TOX: variants seen among roughly 807,000 people sequenced by gnomAD.
TOX encodes the protein thymocyte selection-associated high mobility group box protein TOX.
Under a neutral mutation model 53.7 loss-of-function variants are expected in TOX, and 11 were observed. The ratio of observed to expected loss-of-function variants is 0.20; its 90% CI spans 0.13 to 0.34. The LOEUF (loss-of-function observed/expected upper bound fraction) is 0.34, where lower values mean the gene tolerates loss of function less well. Among genes scored for constraint, TOX ranks in the 10% least tolerant of loss-of-function variants. The pLI is 1.00. For synonymous variants in TOX, 225 were observed against 245.3 expected, an observed-to-expected ratio of 0.92 and a Z score of 0.77; for missense variants, 570 against 664.6, an observed-to-expected ratio of 0.86 and a Z score of 1.56.
At chr8:59,106,676 G>A (rs892212308) in intron 1 of TOX, among the ~76,000 whole-genome samples, 6 of 152,094 alleles carry the variant, frequency 3.9e-5, no homozygotes, top group Non-Finnish European at 8.8e-5. Context: ...CACATGATAC[G>A]CAATTAAAAT....
chr8:59,090,873 G>A (rs546172235), intron 1 of TOX, among the ~76,000 whole-genome samples: 2 of 152,166 alleles, frequency 1.3e-5, no homozygotes, highest in East Asian at 3.9e-4. Flanking sequence ...TTCTGCATGT[G>A]TCCTTACTTG....
At chr8:59,111,375 T>C (rs184693440) in intron 1 of TOX, among the ~76,000 whole-genome samples, 1 of 152,266 alleles carries the variant, frequency 6.6e-6, no homozygotes, top group East Asian at 1.9e-4. Flanking sequence ...TCCTGTGAAA[T>C]ATTGCTGAGT....
intron 1 of TOX, among the ~76,000 whole-genome samples, chr8:59,077,767 AG>A (rs1377042014): frequency 1.3e-5 from 2 of 152,232 alleles, no homozygotes; most frequent in Admixed American, 1.3e-4. Flanking sequence ...TTGTTTGCTA[AG>A]GGCTATGATG....
chr8:58,979,032 G>A (rs1278113313), intron 1 of TOX, among the ~76,000 whole-genome samples: 1 of 152,088 alleles, frequency 6.6e-6, no homozygotes, highest in South Asian at 2.1e-4. Flanking sequence ...AGTATTAATT[G>A]GATTTTTCTT....
Position 58,826,891 on chromosome 8 carries a change from C to G in TOX, c.936G>C (p.Lys312Asn). The change falls in exon 6 of 9, where the codon AAG (lysine) becomes AAC (asparagine). Residue 312 changes from lysine to asparagine, a missense_variant. Around this residue, in one of 3 missense-constraint regions of TOX, gnomAD observed 49 missense variants for 98.9 expected, o/e 0.50. Transcript: ENST00000361421. ...ACTCCTTCTTCGCAGCCTCGGTTTT[C>G]TTTTTATAGACCTGCAACAACAGCA... is the stretch of plus-strand genomic sequence containing the variant. ...LGEEQKQVYK[K>N]KTEAAKKEYL... 1 of 1,611,298 alleles carries G rather than the reference C, an allele frequency of 6.2e-7. No individual in the cohort carries two copies. Among genetic ancestry groups the G allele is most frequent in the South Asian group, 1.1e-5 (1 of 90,662 alleles).
chr8:58,823,337 C>T (rs1585844655), intron 6 of TOX, among the ~76,000 whole-genome samples: 1 of 152,124 alleles, frequency 6.6e-6, no homozygotes, highest in East Asian at 1.9e-4. Flanking sequence ...GATTCTCCTG[C>T]TTCAGCCTCC....
rs372785352 is a variant in TOX at position 59,118,896 on chromosome 8, T to C, written c.92A>G (p.Tyr31Cys). The change falls in exon 1 of 9, where the codon TAT becomes TGT. Residue 31 changes from tyrosine to cysteine, a missense_variant. Physicochemically the swap from Tyr to Cys is radical, Grantham distance 194 (BLOSUM62 -2). Around this residue, in one of 3 missense-constraint regions of TOX, gnomAD observed 282 missense variants for 315.0 expected, o/e 0.90. Transcript: ENST00000361421. The surrounding 1 kb of genome is among the most constrained non-coding windows in gnomAD (Gnocchi z 4.1). ...LGPSPCLDPY[Y>C]CNKFDGENMY... ...AAGCAGAGCGTTCACCTTGTTGCAATAGTAGGGGTCCAGGCAGGGAGAAGG... is the reference window on the plus strand; with the variant it reads ...AAGCAGAGCGTTCACCTTGTTGCAACAGTAGGGGTCCAGGCAGGGAGAAGG... The C allele has an allele frequency of 4.4e-6, 7 of 1,589,120 alleles. No individual in the cohort carries two copies. In the African/African-American group the frequency reaches 6.9e-5, roughly 16 times the overall value.
At chr8:59,078,627 A>C (rs1360494273) in intron 1 of TOX, among the ~76,000 whole-genome samples, 1 of 152,156 alleles carries the variant, frequency 6.6e-6, no homozygotes, top group East Asian at 1.9e-4. Context: ...TTCTTTATAA[A>C]TTACTCAGTC....
chr8:58,982,277 T>C (rs772132363), intron 1 of TOX, among the ~76,000 whole-genome samples: 1 of 152,148 alleles, frequency 6.6e-6, no homozygotes, highest in Non-Finnish European at 1.5e-5. Context: ...CCCACACCCC[T>C]TTCCTTACTC....
chr8:59,088,887 AG>A (rs1307740238), intron 1 of TOX, among the ~76,000 whole-genome samples: 1 of 152,196 alleles, frequency 6.6e-6, no homozygotes, highest in Non-Finnish European at 1.5e-5. Flanking sequence ...CACAAGTTAT[AG>A]ATCACACTAA....
intron 3 of TOX, 33 bp downstream of exon 3, chr8:58,939,269 G>T (rs1563395276): frequency 6.2e-7 from 1 of 1,611,420 alleles, no homozygotes; most frequent in South Asian, 1.1e-5. Flanking sequence ...GTATCCCTCA[G>T]CCCCCACCAC....
chr8:59,003,526 C>CT (rs34000129), intron 1 of TOX, among the ~76,000 whole-genome samples: 12 of 152,054 alleles, frequency 7.9e-5, no homozygotes, highest in African/African-American at 2.7e-4. Context: ...CAACACAAGA[C>CT]TTTTTTTCAA....
At chr8:59,069,815 G>A (rs558700837) in intron 1 of TOX, among the ~76,000 whole-genome samples, 2 of 152,352 alleles carry the variant, frequency 1.3e-5, no homozygotes, top group East Asian at 3.9e-4. Flanking sequence ...GATACTGAGA[G>A]GAGAGGCTTC....
chr8:58,922,356 C>T (rs889771192), intron 3 of TOX, among the ~76,000 whole-genome samples: 7 of 152,218 alleles, frequency 4.6e-5, no homozygotes, highest in Non-Finnish European at 7.4e-5. Flanking sequence ...TTAGTGTTTG[C>T]GTGTATATAT....
intron 7 of TOX, among the ~76,000 whole-genome samples, chr8:58,809,491 A>G (rs139420553): frequency 6.2e-4 from 95 of 152,338 alleles, no homozygotes; most frequent in Middle Eastern, 3.4e-3. Context: ...TCAAATGATA[A>G]AGACTTCAAG....
At chr8:58,835,528 A>C (rs986369455) in intron 5 of TOX, among the ~76,000 whole-genome samples, 7 of 152,236 alleles carry the variant, frequency 4.6e-5, no homozygotes, top group African/African-American at 1.7e-4. Flanking sequence ...CTCTTGCTAT[A>C]TTAAAAATAA....
intron 1 of TOX, among the ~76,000 whole-genome samples, chr8:59,113,234 T>C (rs190256002): frequency 8.2e-4 from 125 of 152,276 alleles, no homozygotes; most frequent in Non-Finnish European, 1.4e-3. Context: ...GCCTTCTCAC[T>C]GAGGAAGGAT....
At chr8:59,017,172 C>T (rs118004532) in intron 1 of TOX, among the ~76,000 whole-genome samples, 13 of 152,254 alleles carry the variant, frequency 8.5e-5, no homozygotes, top group East Asian at 5.8e-4. Flanking sequence ...ACTAACATTC[C>T]GCAAGTAGAC....
intron 8 of TOX, 34 bp downstream of exon 8, chr8:58,808,084 G>A: frequency 4.4e-6 from 7 of 1,595,270 alleles, no homozygotes; most frequent in Non-Finnish European, 6.0e-6. Flanking sequence ...TATGAGCGCT[G>A]TCCACCACCA....
Sources: allele counts gnomAD v4.1 joint callset (sites outside exome capture counted in the v4.1 genomes callset), GRCh38; gene constraint gnomAD v4.1.1; regional missense constraint gnomAD v4.1.1; non-coding constraint Gnocchi (gnomAD v3.1); transcripts MANE v1.5; gene names NCBI Gene and HGNC (gene_info 2026-07-23, HGNC 2026-07-21).